The following PALLD variants were observed in gnomAD, a reference collection of about 807,000 sequenced individuals.
PALLD encodes the protein palladin, cytoskeletal associated protein.
PALLD carries 61 observed loss-of-function variants against 123.5 expected under a neutral mutation model. That is an observed-to-expected ratio of 0.49 (90% confidence interval 0.40 to 0.61). The LOEUF is 0.61. Among genes scored for constraint, PALLD ranks in the 20% least tolerant of loss-of-function variants. The pLI is 0.00. For missense variants in PALLD, 1,273 were observed against 1,377.0 expected (o/e 0.92, Z 1.20); for synonymous variants, 465 against 496.4 (o/e 0.94, Z 0.84).
At chr4:168,796,507 A>G (rs998368104) in intron 10 of PALLD, among the ~76,000 whole-genome samples, 1 of 152,220 alleles carries the variant, frequency 6.6e-6, no homozygotes, top group Non-Finnish European at 1.5e-5. Context: ...ACACCAGGCT[A>G]GAAGGGAGTC....
chr4:168,683,071 G>A lies in PALLD; in HGVS notation c.1228G>A (p.Val410Met). The A allele has an allele frequency of 6.2e-7, 1 of 1,611,382 alleles. No homozygotes were observed. Among genetic ancestry groups the A allele is most frequent in the Non-Finnish European group, 8.5e-7 (1 of 1,177,570 alleles). ...TCCAAAGACAGGGGTGACCACAGCT[G>A]TGATTCAACCACTGTCTGTCCCTGT... is the stretch of plus-strand genomic sequence containing the variant. ...SSPKTGVTTA[V>M]IQPLSVPVQQ... is the part of the protein sequence containing the mutation. Residue 410 changes from valine to methionine, a missense_variant, in exon 5 of 22, where the codon GTG becomes ATG. Val to Met is a conservative substitution (Grantham distance 21). Transcript: ENST00000505667.
intron 10 of PALLD, among the ~76,000 whole-genome samples, chr4:168,838,668 T>C (rs1745548968): frequency 1.4e-5 from 1 of 71,290 alleles, no homozygotes; most frequent in Non-Finnish European, 2.5e-5. Flanking sequence ...TTCTAACTCC[T>C]TTTTTTTTTT....
intron 15 of PALLD, among the ~76,000 whole-genome samples, chr4:168,904,466 C>T (rs932590971): frequency 1.3e-5 from 2 of 152,030 alleles, no homozygotes; most frequent in Admixed American, 1.3e-4. Flanking sequence ...AATCAGTTGC[C>T]TTCTTAGAAT....
At chr4:168,754,431 C>T (rs1408062837) in intron 10 of PALLD, among the ~76,000 whole-genome samples, 1 of 152,188 alleles carries the variant, frequency 6.6e-6, no homozygotes, top group East Asian at 1.9e-4. Context: ...TTCCTCAGTG[C>T]TATACAGTAA....
chr4:168,924,569 C>A, intron 19 of PALLD, 149 bp downstream of exon 19: 1 of 823,350 alleles, frequency 1.2e-6, no homozygotes, highest in Non-Finnish European at 2.0e-6. Flanking sequence ...AAAAACCATG[C>A]GTTACCCAAT....
intron 10 of PALLD, among the ~76,000 whole-genome samples, chr4:168,849,991 A>G (rs554760459): frequency 1.3e-5 from 2 of 152,324 alleles, no homozygotes; most frequent in Admixed American, 6.5e-5. Flanking sequence ...ATAAAATACA[A>G]TGAATAAACT....
chr4:168,575,374 G>A (rs1335706502), intron 2 of PALLD, among the ~76,000 whole-genome samples: 1 of 151,944 alleles, frequency 6.6e-6, no homozygotes, highest in Non-Finnish European at 1.5e-5. Flanking sequence ...AGGTGAGAGA[G>A]TGTATGTAGG....
chr4:168,920,587 C>T (rs551132639), intron 17 of PALLD, among the ~76,000 whole-genome samples: 10 of 152,252 alleles, frequency 6.6e-5, no homozygotes, highest in South Asian at 4.1e-4. Context: ...TGGCAGATGG[C>T]GACCATCCTG....
At chr4:168,702,954 T>A (rs1356691562) in intron 8 of PALLD, among the ~76,000 whole-genome samples, 31 of 148,504 alleles carry the variant, frequency 2.1e-4, no homozygotes, top group African/African-American at 7.2e-4. Flanking sequence ...CATGTGCACA[T>A]TGTGCAGGTT....
intron 2 of PALLD, among the ~76,000 whole-genome samples, chr4:168,541,443 TTTTATTTATTTATTTATTTA>T (rs60488300): frequency 2.0e-5 from 3 of 147,760 alleles, no homozygotes; most frequent in Non-Finnish European, 3.0e-5. Flanking sequence ...CTCTCACTCA[TTTTATTTATTTATTTATTTA>T]TTTATTTATT....
At chr4:168,584,666 G>A (rs1770635633) in intron 2 of PALLD, among the ~76,000 whole-genome samples, 1 of 152,096 alleles carries the variant, frequency 6.6e-6, no homozygotes, top group South Asian at 2.1e-4. Context: ...TTCAATCTGT[G>A]GTTTGTTTCT....
In PALLD at chr4:168,654,315, C is replaced by T. The variant is rs150668121; in HGVS notation, c.909-13875C>T. On this transcript the variant is annotated intron_variant, in intron 2 of 21. Transcript: ENST00000505667. Reference sequence around the variant, plus strand: ...GTTATGTGTATTTTTTTGTCTTTTGCCAAGTCTCTAAGTGCCTCTGAAGCC... The same window carrying T: ...GTTATGTGTATTTTTTTGTCTTTTGTCAAGTCTCTAAGTGCCTCTGAAGCC... Among the ~76,000 whole-genome samples the T allele has an allele frequency of 2.0e-4, 31 of 151,580 alleles. No individual in the cohort carries two copies. The East Asian group carries it at 6.1e-3, about 30-fold the overall frequency.
chr4:168,665,834 T>C (rs1779593008), intron 2 of PALLD, among the ~76,000 whole-genome samples: 2 of 152,192 alleles, frequency 1.3e-5, no homozygotes, highest in African/African-American at 4.8e-5. Flanking sequence ...GGAATCATTT[T>C]CTATAAAGAT....
Position 168,878,153 on chromosome 4 carries a change from C to T in PALLD, c.1965-12769C>T, listed in dbSNP as rs1246689760. 2.7e-6 allele frequency: 4 copies of T among 1,489,684 alleles called. No homozygotes were observed. Among genetic ancestry groups the T allele is most frequent in the African/African-American group, 1.5e-5 (1 of 68,330 alleles). 92.3% of individuals were successfully genotyped at this position (1,489,684 alleles called of 1,614,324 possible). On this transcript the variant is annotated intron_variant, in intron 10 of 21. Coordinates refer to ENST00000505667, the MANE Select transcript of PALLD (RefSeq NM_001166108.2). Reference sequence around the variant, plus strand: ...CCCGTGGGGCTCCTCCTCGCCGTCGCCCCCGCCCCCGCCACCCCCGGTCTT... The same window carrying T: ...CCCGTGGGGCTCCTCCTCGCCGTCGTCCCCGCCCCCGCCACCCCCGGTCTT...
At chr4:168,567,508 T>A (rs575918651) in intron 2 of PALLD, among the ~76,000 whole-genome samples, 2 of 151,412 alleles carry the variant, frequency 1.3e-5, no homozygotes, top group African/African-American at 4.8e-5. Flanking sequence ...AAGTGTCCAA[T>A]GTCCATCAAT....
rs2150084148 is a variant in PALLD, at chr4:168,681,417, A to C, written c.1154+19A>C. 1 of 1,492,956 alleles carries C rather than the reference A, an allele frequency of 6.7e-7. No individual in the cohort carries two copies. Among genetic ancestry groups the C allele is most frequent in the East Asian group, 2.3e-5 (1 of 44,316 alleles). 92.5% of individuals were successfully genotyped at this position (1,492,956 alleles called of 1,614,324 possible). A position where few individuals can be genotyped will look rare whatever the true frequency, so the allele number is the denominator to read the frequency against. On this transcript the variant is annotated intron_variant, in intron 4 of 21. Transcript: ENST00000505667. The stretch of plus-strand genomic sequence containing the variant: ...TGCCACAGTAAGTGCCTACAATTCC[A>C]TCGATTATGTGGAAACAAAGAATGG...
chr4:168,545,664 A>G (rs1188522867), intron 2 of PALLD, among the ~76,000 whole-genome samples: 1 of 152,112 alleles, frequency 6.6e-6, no homozygotes, highest in African/African-American at 2.4e-5. Flanking sequence ...CTTTTCCCAC[A>G]TCTGTCCTAG....
At chr4:168,603,772 C>T (rs1772908282) in intron 2 of PALLD, among the ~76,000 whole-genome samples, 1 of 152,110 alleles carries the variant, frequency 6.6e-6, no homozygotes, top group African/African-American at 2.4e-5. Context: ...TTCCATATTT[C>T]CCAAAAGGTT....
intron 10 of PALLD, chr4:168,832,022 G>A: frequency 1.0e-6 from 1 of 985,416 alleles, no homozygotes; most frequent in Non-Finnish European, 1.2e-6. Flanking sequence ...GAAGGGCGGC[G>A]GGTGAAGGCT....
Sources: allele counts gnomAD v4.1 joint callset (sites outside exome capture counted in the v4.1 genomes callset), GRCh38; gene constraint gnomAD v4.1.1; transcripts MANE v1.5; gene names NCBI Gene and HGNC (gene_info 2026-07-23, HGNC 2026-07-21).